RAB7A: variants seen among roughly 807,000 people sequenced by gnomAD.
RAB7A encodes RAB7A, member RAS oncogene family.
In RAB7A, 2 loss-of-function variants were observed where a neutral mutation model predicts 24.5. That is an observed-to-expected ratio of 0.08 (90% confidence interval 0.03 to 0.26). The LOEUF is 0.26. RAB7A is among the 10% of genes least tolerant of loss of function. RAB7A has a pLI of 1.00. For missense variants in RAB7A, 118 were observed against 255.7 expected, an observed-to-expected ratio of 0.46 and a Z score of 3.67; for synonymous variants, 100 against 95.9, an observed-to-expected ratio of 1.04 and a Z score of -0.25.
chr3:128,783,638 T>G (rs1933268989), intron 1 of RAB7A, among the ~76,000 whole-genome samples: 1 of 152,178 alleles, frequency 6.6e-6, no homozygotes, highest in African/African-American at 2.4e-5. Flanking sequence ...TCGGGCCTTG[T>G]TCCTGAATCC....
intron 1 of RAB7A, among the ~76,000 whole-genome samples, chr3:128,763,652 C>A (rs757046674): frequency 6.6e-6 from 1 of 152,084 alleles, no homozygotes; most frequent in Non-Finnish European, 1.5e-5. Context: ...AGATACTTTT[C>A]CTTCCCCTAC....
intron 1 of RAB7A, among the ~76,000 whole-genome samples, chr3:128,743,300 C>T (rs970906861): frequency 1.3e-5 from 2 of 152,226 alleles, no homozygotes; most frequent in African/African-American, 4.8e-5. Flanking sequence ...CCGCCCATGC[C>T]TCTCCCTCCA....
In RAB7A at chr3:128,779,978, G is replaced by A. The variant is rs971502721; in HGVS notation, c.-8-15382G>A. Among the ~76,000 whole-genome samples, 4 of 152,214 alleles carry A rather than the reference G, an allele frequency of 2.6e-5. No individual in the cohort carries two copies. In the East Asian group the frequency reaches 5.8e-4, roughly 22 times the overall value. On this transcript the variant is annotated intron_variant, in intron 1 of 5. Transcript: ENST00000265062. ...AAGGGTTTTAAGTGGGCTGAAGTGT[G>A]GAGATTGTTGATTGGTCAAAGAGTG...
chr3:128,786,610 A>T (rs1198548114), intron 1 of RAB7A, among the ~76,000 whole-genome samples: 1 of 152,148 alleles, frequency 6.6e-6, no homozygotes, highest in Non-Finnish European at 1.5e-5. Flanking sequence ...TTACTTTGGA[A>T]TCTGCTCAGA....
At chr3:128,740,111 G>A (rs142190444) in intron 1 of RAB7A, among the ~76,000 whole-genome samples, 18 of 151,764 alleles carry the variant, frequency 1.2e-4, no homozygotes, top group African/African-American at 2.9e-4. Context: ...GGTGGCTCCC[G>A]CCTGCAATCA....
chr3:128,747,352 C>T (rs1015343768), intron 1 of RAB7A, among the ~76,000 whole-genome samples: 1 of 151,398 alleles, frequency 6.6e-6, no homozygotes, highest in Non-Finnish European at 1.5e-5. Context: ...TTTGGGAGGC[C>T]GAGGTGGGCA....
intron 3 of RAB7A, among the ~76,000 whole-genome samples, chr3:128,805,328 G>A (rs1469466802): frequency 6.6e-6 from 1 of 152,208 alleles, no homozygotes; most frequent in African/African-American, 2.4e-5. Context: ...CCGAGAGGCA[G>A]TGGAGTCATT....
At chr3:128,781,738 C>T (rs75404120) in intron 1 of RAB7A, among the ~76,000 whole-genome samples, 7,650 of 151,170 alleles carry the variant, frequency 0.051, 211 homozygotes, top group African/African-American at 0.068. Context: ...TGGTTGTGGC[C>T]GGGCACGGTG....
intron 1 of RAB7A, among the ~76,000 whole-genome samples, chr3:128,777,795 C>T (rs1933129289): frequency 6.6e-6 from 1 of 152,204 alleles, no homozygotes; most frequent in South Asian, 2.1e-4. Context: ...GATCTTGGCT[C>T]ATTGCAACCT....
At chr3:128,743,262 C>T (rs552970308) in intron 1 of RAB7A, among the ~76,000 whole-genome samples, 10 of 152,340 alleles carry the variant, frequency 6.6e-5, no homozygotes, top group East Asian at 3.9e-4. Flanking sequence ...CCCGCTGGTC[C>T]GCGAGTGCCG....
intron 1 of RAB7A, among the ~76,000 whole-genome samples, chr3:128,787,043 A>G (rs549734358): frequency 1.3e-5 from 2 of 152,316 alleles, no homozygotes; most frequent in South Asian, 4.1e-4. Context: ...CTCTAATACT[A>G]ATAGTGATTG....
At position 128,807,596 on chromosome 3, in the gene RAB7A, C is replaced by T. The variant is rs1333216609; in HGVS notation, c.453C>T (p.Tyr151=). Residue 151 remains tyrosine, a synonymous_variant, in exon 5 of 6, where the codon TAC becomes TAT. Coordinates refer to ENST00000265062, the MANE Select transcript of RAB7A (RefSeq NM_004637.6). ...AWCYSKNNIP[Y]FETSAKEAIN... is the part of the protein sequence containing the mutation. ...GCTACAGCAAAAACAACATTCCCTA[C>T]TTTGAGACCAGTGCCAAGGAGGCCA... 6.2e-7 allele frequency: 1 copy of T among 1,614,228 alleles called. No individual in the cohort carries two copies. Among genetic ancestry groups the T allele is most frequent in the Non-Finnish European group, 8.5e-7 (1 of 1,180,038 alleles).
At chr3:128,790,234 T>C (rs1053468519) in intron 1 of RAB7A, among the ~76,000 whole-genome samples, 4 of 152,254 alleles carry the variant, frequency 2.6e-5, no homozygotes, top group African/African-American at 9.6e-5. Context: ...ATCAGCTGTT[T>C]AGTACCATTT....
intron 1 of RAB7A, among the ~76,000 whole-genome samples, chr3:128,740,954 C>G (rs946107162): frequency 7.7e-5 from 10 of 129,794 alleles, no homozygotes; most frequent in African/African-American, 2.2e-4. Context: ...ATAGATTAAA[C>G]TAGAAAAATA....
intron 1 of RAB7A, among the ~76,000 whole-genome samples, chr3:128,763,208 A>ATATATATATATATATAT (rs373993932): frequency 1.3e-5 from 1 of 76,108 alleles, no homozygotes; most frequent in African/African-American, 8.2e-5. Flanking sequence ...ATATATATAT[A>ATATATATATATATATAT]TTTTTTTTTT....
chr3:128,784,124 T>C (rs1933278637), intron 1 of RAB7A, among the ~76,000 whole-genome samples: 1 of 152,326 alleles, frequency 6.6e-6, no homozygotes, highest in East Asian at 1.9e-4. Flanking sequence ...TTCCCTCAGT[T>C]AACAGTGAAG....
intron 3 of RAB7A, among the ~76,000 whole-genome samples, chr3:128,800,431 G>T (rs747309132): frequency 6.6e-6 from 1 of 152,148 alleles, no homozygotes; most frequent in South Asian, 2.1e-4. Context: ...CTGGGTCGGG[G>T]GTTGTCATAA....
intron 3 of RAB7A, among the ~76,000 whole-genome samples, chr3:128,800,072 A>C (rs1462985197): frequency 1.3e-5 from 2 of 152,238 alleles, no homozygotes; most frequent in Non-Finnish European, 2.9e-5. Flanking sequence ...GAACAGTTAA[A>C]CTGTAGATTA....
chr3:128,776,945 T>TAC (rs71153145), intron 1 of RAB7A, among the ~76,000 whole-genome samples: 3,445 of 142,418 alleles, frequency 0.024, 46 homozygotes, highest in Middle Eastern at 0.066. Flanking sequence ...TTAGTTGAGC[T>TAC]ACACACACAC....
Sources: allele counts gnomAD v4.1 joint callset (sites outside exome capture counted in the v4.1 genomes callset), GRCh38; gene constraint gnomAD v4.1.1; transcripts MANE v1.5; gene names NCBI Gene and HGNC (gene_info 2026-07-23, HGNC 2026-07-21).